SYN1: variants seen among roughly 807,000 people sequenced by gnomAD.
The protein encoded by SYN1 is synapsin I.
A neutral mutation model predicts 44.6 loss-of-function variants in SYN1; 8 were observed. The observed-to-expected ratio is 0.18, with a 90% CI of 0.11 to 0.32. SYN1 has a LOEUF of 0.32. Ranked by LOEUF, SYN1 falls within the 10% of genes least tolerant of loss-of-function variation. SYN1 has a pLI of 1.00. For synonymous variants in SYN1, 275 were observed against 280.1 expected (o/e 0.98, Z 0.18); for missense variants, 451 against 639.4 (o/e 0.71, Z 3.18).
At position 47,576,741 on chromosome X, in the gene SYN1, C is replaced by T. The variant is rs914478840; in HGVS notation, c.838-101G>A. 20 of 1,076,788 alleles carry T rather than the reference C, an allele frequency of 1.9e-5. No individual in the cohort carries two copies. In the African/African-American group the frequency reaches 2.8e-4, roughly 15 times the overall value. 88.7% of individuals were successfully genotyped at this position (1,076,788 alleles called of 1,213,427 possible). A position where few individuals can be genotyped will look rare whatever the true frequency, so the allele number is the denominator to read the frequency against. On this transcript the variant is annotated intron_variant, in intron 6 of 12. Transcript: ENST00000295987. ...ATGTATACATGACACACAGGTGAGG[C>T]GAGTACACAAAAATTAGGTGGACAT...
chrX:47,592,096 T>C (rs1040681619), intron 5 of SYN1, among the ~76,000 whole-genome samples: 10 of 111,812 alleles, frequency 8.9e-5, no homozygotes, highest in Non-Finnish European at 1.3e-4. Context: ...TCCCAGAGTT[T>C]TGGGGAGGCC....
At chrX:47,573,131 C>T (rs1177895291) in intron 12 of SYN1, 132 bp from the exon 13 acceptor site, 1 of 844,102 alleles carries the variant, frequency 1.2e-6, no homozygotes, top group Non-Finnish European at 1.7e-6. Context: ...CCTGTGACCT[C>T]CCCACCTGCC....
intron 5 of SYN1, among the ~76,000 whole-genome samples, chrX:47,592,361 T>C (rs1185591181): frequency 4.6e-5 from 5 of 109,508 alleles, no homozygotes; most frequent in Non-Finnish European, 9.5e-5. Flanking sequence ...AATAAATAAA[T>C]AAATAAATAA....
At chrX:47,595,207 C>A (rs1005692355) in intron 5 of SYN1, among the ~76,000 whole-genome samples, 5 of 111,808 alleles carry the variant, frequency 4.5e-5, no homozygotes, top group African/African-American at 1.6e-4. Flanking sequence ...TCGTCCTCTG[C>A]ATCTCTTCAT....
Position 47,606,974 on chromosome X carries a change from T to C in SYN1, c.498A>G (p.Glu166=). 8.3e-7 allele frequency: 1 copy of C among 1,210,922 alleles called. No homozygotes were observed. The highest frequency in any genetic ancestry group is 2.3e-4 in the Middle Eastern group (1 of 4,353). ...HANGGFSVDM[E]VLRNGVKVVR... Reference sequence around the variant, plus strand: ...CGACCTTCACCCCATTCCGAAGAACTTCCATATCCACAGAGAATCCACCAT... The same window carrying C: ...CGACCTTCACCCCATTCCGAAGAACCTCCATATCCACAGAGAATCCACCAT... Residue 166 remains glutamate, a synonymous_variant, in exon 3 of 13, where the codon GAA becomes GAG. Coordinates refer to ENST00000295987, the MANE Select transcript of SYN1 (RefSeq NM_006950.3).
chrX:47,591,327 G>A (rs2057847115), intron 5 of SYN1, among the ~76,000 whole-genome samples: 1 of 112,593 alleles, frequency 8.9e-6, no homozygotes, highest in Non-Finnish European at 1.9e-5. Context: ...AGGAATTAAT[G>A]AGAAAAGTTG....
rs377231134 is a variant in SYN1 at position 47,607,303 on chromosome X, C to CA, written c.378-106dup. The stretch of plus-strand genomic sequence containing the variant: ...CCCTTCAATGCTACTAAAGAAACCA[C>CA]AAAGTGCCTTATAATTATTGAAATA... On this transcript the variant is annotated intron_variant, in intron 1 of 12. Coordinates refer to ENST00000295987, the MANE Select transcript of SYN1 (RefSeq NM_006950.3). 6.1e-5 allele frequency: 40 copies of CA among 658,465 alleles called. No individual in the cohort carries two copies. In the African/African-American group the frequency reaches 7.1e-4, roughly 12 times the overall value. The allele number at this position is 658,465 out of a possible 1,213,427, so 54.3% of individuals were successfully genotyped here. A position where few individuals can be genotyped will look rare whatever the true frequency, so the allele number is the denominator to read the frequency against.
At chrX:47,581,091 T>C (rs901773548) in intron 5 of SYN1, among the ~76,000 whole-genome samples, 1 of 111,629 alleles carries the variant, frequency 9.0e-6, no homozygotes, top group Admixed American at 9.5e-5. Context: ...CCACCCAGAA[T>C]AGTGCTGGAT....
intron 1 of SYN1, among the ~76,000 whole-genome samples, chrX:47,609,449 A>G (rs1028811738): frequency 5.3e-5 from 6 of 112,279 alleles, no homozygotes; most frequent in Non-Finnish European, 1.1e-4. Flanking sequence ...CCCTAAGGCA[A>G]CTACATCTTG....
intron 1 of SYN1, among the ~76,000 whole-genome samples, chrX:47,616,158 T>C (rs2057930657): frequency 9.0e-6 from 1 of 111,377 alleles, no homozygotes; most frequent in Non-Finnish European, 1.9e-5. Flanking sequence ...AACAGGTCTC[T>C]GTTCCCCACA....
intron 5 of SYN1, among the ~76,000 whole-genome samples, chrX:47,581,651 G>A (rs956639939): frequency 8.9e-6 from 1 of 111,938 alleles, no homozygotes; most frequent in Non-Finnish European, 1.9e-5. Flanking sequence ...GTTCCTCTAC[G>A]CCCCATATTT....
At chrX:47,585,992 C>T in intron 5 of SYN1, 8 of 1,027,460 alleles carry the variant, frequency 7.8e-6, no homozygotes, top group Non-Finnish European at 8.8e-6. Context: ...AGAATGTTCT[C>T]CAAGAACCCA....
At position 47,574,716 on chromosome X, in the gene SYN1, G is replaced by A; in HGVS notation, c.1365C>T (p.Pro455=). 1 of 1,185,708 alleles carries A rather than the reference G, an allele frequency of 8.4e-7. No individual in the cohort carries two copies. The highest frequency in any genetic ancestry group is 1.1e-6 in the Non-Finnish European group (1 of 882,880). ...GTGGTGGGGGTCGCTGCTGAGCCGG[G>A]GGCCCTGCGGGCTGCTGGGAGGTCT... is the stretch of plus-strand genomic sequence containing the variant. ...GRQTSQQPAG[P]PAQQRPPPQG... Residue 455 remains proline (P), a synonymous_variant, in exon 11 of 13, where the codon CCC becomes CCT. Transcript: ENST00000295987.
At chrX:47,598,623 C>T (rs765858088) in intron 5 of SYN1, among the ~76,000 whole-genome samples, 19 of 111,302 alleles carry the variant, frequency 1.7e-4, no homozygotes, top group African/African-American at 4.6e-4. Flanking sequence ...GTCAGGAGTT[C>T]GAGACCAGCC....
At chrX:47,588,239 T>C (rs760793224) in intron 5 of SYN1, among the ~76,000 whole-genome samples, 2 of 112,912 alleles carry the variant, frequency 1.8e-5, no homozygotes, top group African/African-American at 3.2e-5. Context: ...ACCGCAGCCT[T>C]TGCTGATGGG....
intron 1 of SYN1, among the ~76,000 whole-genome samples, chrX:47,611,540 T>C (rs1168042137): frequency 8.9e-6 from 1 of 112,249 alleles, no homozygotes; most frequent in African/African-American, 3.2e-5. Context: ...AGAAACAGTT[T>C]ACACTCACAT....
At chrX:47,619,052 TC>T (rs1377681480) in intron 1 of SYN1, among the ~76,000 whole-genome samples, 1 of 109,972 alleles carries the variant, frequency 9.1e-6, no homozygotes, top group Non-Finnish European at 1.9e-5. Context: ...AAGGACACGT[TC>T]GGTTTTCGAA....
At chrX:47,601,150 G>C (rs1488847773) in intron 5 of SYN1, among the ~76,000 whole-genome samples, 1 of 111,228 alleles carries the variant, frequency 9.0e-6, no homozygotes, top group Non-Finnish European at 1.9e-5. Flanking sequence ...AATAAAAAAG[G>C]GCAGAAAATT....
chrX:47,603,708 A>T, intron 5 of SYN1, among the ~76,000 whole-genome samples: 1 of 110,419 alleles, frequency 9.1e-6, no homozygotes, highest in East Asian at 2.8e-4. Context: ...CTTATAATTT[A>T]TATTAGAGCA....
Sources: allele counts gnomAD v4.1 joint callset (sites outside exome capture counted in the v4.1 genomes callset), GRCh38; gene constraint gnomAD v4.1.1; transcripts MANE v1.5; gene names NCBI Gene and HGNC (gene_info 2026-07-23, HGNC 2026-07-21).